Variants in SLC24A2 observed in about 807,000 individuals in gnomAD.
SLC24A2 encodes the protein solute carrier family 24 member 2.
SLC24A2 carries 36 observed loss-of-function variants against 62.0 expected under a neutral mutation model. The ratio of observed to expected loss-of-function variants is 0.58; its 90% CI spans 0.44 to 0.77. The LOEUF (loss-of-function observed/expected upper bound fraction) is 0.77, where lower values mean the gene tolerates loss of function less well. SLC24A2 is among the 30% of genes least tolerant of loss of function. The probability of loss-of-function intolerance (pLI) is 0.00; values close to 1 mark genes in which losing one functional copy is unlikely to be tolerated. For synonymous variants in SLC24A2, 358 were observed against 294.0 expected (o/e 1.22, Z -2.23); for missense variants, 846 against 817.9 (o/e 1.03, Z -0.42).
the SLC24A2 span, among the ~76,000 whole-genome samples, chr9:20,265,949 A>G: frequency 1.3e-5 from 2 of 151,950 alleles, no homozygotes; most frequent in African/African-American, 4.8e-5. Context: ...CTCCCATAGC[A>G]CTCCCAGGCT....
At chr9:20,285,134 C>T in the SLC24A2 span, among the ~76,000 whole-genome samples, 3 of 152,108 alleles carry the variant, frequency 2.0e-5, no homozygotes, top group African/African-American at 4.8e-5. Flanking sequence ...AACCTCTTCC[C>T]AAGGAAATAG....
At chr9:19,784,646 T>A (rs1823109146) in intron 2 of SLC24A2, among the ~76,000 whole-genome samples, 2 of 152,330 alleles carry the variant, frequency 1.3e-5, no homozygotes, top group South Asian at 4.1e-4. Flanking sequence ...AGGGGAGAAC[T>A]TCCAATGATG....
the SLC24A2 span, among the ~76,000 whole-genome samples, chr9:19,944,748 C>T: frequency 1.0e-5 from 1 of 99,660 alleles, no homozygotes; most frequent in East Asian, 2.4e-4. Flanking sequence ...TGCCAAGAGG[C>T]TGGAGGTGAA....
the SLC24A2 span, among the ~76,000 whole-genome samples, chr9:20,300,638 C>T: frequency 1.3e-5 from 2 of 152,166 alleles, no homozygotes; most frequent in African/African-American, 4.8e-5. Context: ...CACCCAAGAA[C>T]ATTTCCTTCA....
At chr9:20,252,235 C>A in the SLC24A2 span, among the ~76,000 whole-genome samples, 1 of 152,166 alleles carries the variant, frequency 6.6e-6, no homozygotes, top group African/African-American at 2.4e-5. Flanking sequence ...AAGGGTATGT[C>A]TGGAAAGGCA....
chr9:20,036,819 T>G, the SLC24A2 span, among the ~76,000 whole-genome samples: 4 of 152,036 alleles, frequency 2.6e-5, no homozygotes, highest in Non-Finnish European at 5.9e-5. Context: ...ATATAACCTA[T>G]GCACACACAT....
At chr9:20,273,529 T>C in the SLC24A2 span, among the ~76,000 whole-genome samples, 3 of 152,170 alleles carry the variant, frequency 2.0e-5, no homozygotes, top group Non-Finnish European at 4.4e-5. Flanking sequence ...TGATAGTGAA[T>C]GGGTCTCATG....
the SLC24A2 span, among the ~76,000 whole-genome samples, chr9:20,209,707 A>G: frequency 6.6e-6 from 1 of 152,188 alleles, no homozygotes; most frequent in Middle Eastern, 3.2e-3. Context: ...AAGTAATCAC[A>G]GACTTTGATA....
the SLC24A2 span, among the ~76,000 whole-genome samples, chr9:20,129,312 G>C: frequency 2.0e-5 from 3 of 152,122 alleles, no homozygotes; most frequent in Admixed American, 2.0e-4. Context: ...AAGACAATAT[G>C]GAGAAATTAG....
chr9:20,037,345 G>C, the SLC24A2 span, among the ~76,000 whole-genome samples: 1 of 152,090 alleles, frequency 6.6e-6, no homozygotes, highest in East Asian at 1.9e-4. Context: ...TTTTTTGCCT[G>C]AATGTTTTCG....
intron 2 of SLC24A2, among the ~76,000 whole-genome samples, chr9:19,716,569 A>G (rs1820866390): frequency 6.6e-6 from 1 of 152,208 alleles, no homozygotes; most frequent in Admixed American, 6.5e-5. Flanking sequence ...CCTGAACAAC[A>G]CGGTGGTGTT....
chr9:19,759,847 C>T (rs1034571726), intron 2 of SLC24A2, among the ~76,000 whole-genome samples: 1 of 152,150 alleles, frequency 6.6e-6, no homozygotes, highest in Admixed American at 6.6e-5. Flanking sequence ...GAGTGAACCA[C>T]CCTTGAGGCC....
chr9:19,859,875 G>A, the SLC24A2 span, among the ~76,000 whole-genome samples: 1 of 152,172 alleles, frequency 6.6e-6, no homozygotes. Context: ...CTCAGCTGAT[G>A]CCCACATAAG....
intron 8 of SLC24A2, among the ~76,000 whole-genome samples, chr9:19,533,453 T>G (rs113797816): frequency 3.9e-5 from 6 of 152,340 alleles, no homozygotes; most frequent in Admixed American, 6.5e-5. Context: ...GCTGGCCTTA[T>G]GACTTGCTTT....
chr9:19,923,957 T>C, the SLC24A2 span, among the ~76,000 whole-genome samples: 2 of 152,182 alleles, frequency 1.3e-5, no homozygotes, highest in Admixed American at 1.3e-4. Flanking sequence ...CAGGCTGGTC[T>C]CGAACTCCTT....
intron 2 of SLC24A2, among the ~76,000 whole-genome samples, chr9:19,780,872 C>T (rs74799911): frequency 2.8e-5 from 1 of 36,238 alleles, no homozygotes; most frequent in Non-Finnish European, 6.4e-5. Context: ...GACTCCGTCT[C>T]AAAAAAAAAA....
At chr9:19,904,760 C>G in the SLC24A2 span, among the ~76,000 whole-genome samples, 5 of 152,086 alleles carry the variant, frequency 3.3e-5, no homozygotes, top group Admixed American at 3.3e-4. Flanking sequence ...TTTTTTGACT[C>G]ATTTCTTACT....
the SLC24A2 span, among the ~76,000 whole-genome samples, chr9:20,223,587 G>C: frequency 6.6e-6 from 1 of 152,142 alleles, no homozygotes; most frequent in Non-Finnish European, 1.5e-5. Context: ...TTATCATAAA[G>C]CTTAGCAATA....
At chr9:20,004,708 G>T in the SLC24A2 span, among the ~76,000 whole-genome samples, 1 of 152,104 alleles carries the variant, frequency 6.6e-6, no homozygotes, top group Non-Finnish European at 1.5e-5. Flanking sequence ...ATGGCAATAT[G>T]ATATATCTTG....
Sources: gnomAD v4.1 joint callset for allele counts (sites outside exome capture counted in the v4.1 genomes callset) on GRCh38, gnomAD v4.1.1 for gene constraint, MANE v1.5 for transcripts, NCBI Gene and HGNC (gene_info 2026-07-23, HGNC 2026-07-21) for gene names.